ANXA6: variants seen among roughly 807,000 people sequenced by gnomAD.
ANXA6 encodes 67 kDa calelectrin.
Under a neutral mutation model 95.4 loss-of-function variants are expected in ANXA6, and 71 were observed. The ratio of observed to expected loss-of-function variants is 0.74; its 90% CI spans 0.61 to 0.91. ANXA6 has a LOEUF of 0.91. Ranked by LOEUF, ANXA6 falls within the 40% of genes least tolerant of loss-of-function variation. The pLI is 0.00. For missense variants in ANXA6, 830 were observed against 876.4 expected (o/e 0.95, Z 0.67); for synonymous variants, 289 against 315.9 (o/e 0.91, Z 0.90).
chr5:151,141,465 T>C, intron 2 of ANXA6: 1 of 966,392 alleles, frequency 1.0e-6, no homozygotes, highest in Non-Finnish European at 1.2e-6. Context: ...CAGAGGCTGA[T>C]CCAGCTGCGG....
At chr5:151,107,855 G>A (rs1764739573) in intron 23 of ANXA6, among the ~76,000 whole-genome samples, 1 of 152,158 alleles carries the variant, frequency 6.6e-6, no homozygotes, top group South Asian at 2.1e-4. Flanking sequence ...GGGTCTGTGT[G>A]TGTGTCATCT....
rs1764544301 is a variant in ANXA6, at chr5:151,101,390, C to G, written c.*58G>C. The G allele has an allele frequency of 7.7e-7, 1 of 1,295,510 alleles. No individual in the cohort carries two copies. The highest frequency in any genetic ancestry group is 1.0e-6 in the Non-Finnish European group (1 of 954,742). The allele number at this position is 1,295,510 out of a possible 1,614,324, so 80.3% of individuals were successfully genotyped here. A position where few individuals can be genotyped will look rare whatever the true frequency, so the allele number is the denominator to read the frequency against. On this transcript the variant is annotated 3_prime_UTR_variant, in exon 26 of 26. Transcript: ENST00000354546. ...TGGAGCTGGAACAATCAGGCTTGGC[C>G]ATGGCGGCTGGTGCTGATAACCATT...
At chr5:151,125,278 G>C (rs1236153124) in intron 14 of ANXA6, among the ~76,000 whole-genome samples, 1 of 150,944 alleles carries the variant, frequency 6.6e-6, no homozygotes. Flanking sequence ...GCCTGGGGAG[G>C]TGGCAGTGAG....
chr5:151,131,317 T>C (rs748054578), intron 10 of ANXA6, 28 bp from the exon 11 acceptor site: 1 of 1,611,930 alleles, frequency 6.2e-7, no homozygotes, highest in Admixed American at 1.7e-5. Flanking sequence ...GAGGTAGAGT[T>C]ATTCTGGCTG....
chr5:151,107,588 C>T (rs1490735714), intron 23 of ANXA6, among the ~76,000 whole-genome samples: 2 of 152,146 alleles, frequency 1.3e-5, no homozygotes, highest in East Asian at 3.8e-4. Flanking sequence ...TAATTGAAGG[C>T]AATTATGTGA....
At chr5:151,110,705 G>A in intron 20 of ANXA6, 61 bp from the exon 21 acceptor site, 1 of 1,597,430 alleles carries the variant, frequency 6.3e-7, no homozygotes, top group South Asian at 1.1e-5. Flanking sequence ...AGGAGGTTGG[G>A]GAGGCTGGTG....
chr5:151,101,153 C>T lies in ANXA6; in HGVS notation c.*295G>A, dbSNP rs569257137. 3.2e-5 allele frequency: 18 copies of T among 568,258 alleles called. No homozygotes were observed. Among genetic ancestry groups the T allele is most frequent in the Non-Finnish European group, 5.2e-5 (16 of 308,622 alleles). 35.2% of individuals were successfully genotyped at this position (568,258 alleles called of 1,614,324 possible). ...GTTTTTGGATCTGACATAGCCCAAA[C>T]CAGGGCAGAGGCTGTAGCAAGGGGA... On this transcript the variant is annotated 3_prime_UTR_variant, in exon 26 of 26. Coordinates refer to ENST00000354546, the MANE Select transcript of ANXA6 (RefSeq NM_001155.5).
chr5:151,137,096 A>G (rs1004805599), intron 6 of ANXA6, 135 bp downstream of exon 6: 7 of 773,602 alleles, frequency 9.0e-6, no homozygotes, highest in South Asian at 3.5e-5. Context: ...CTTATTGGGT[A>G]GATAAATGGG....
chr5:151,128,512 A>C, intron 12 of ANXA6: 8 of 414,220 alleles, frequency 1.9e-5, no homozygotes, highest in East Asian at 4.7e-5. Flanking sequence ...TGCTACCAAT[A>C]TGCGGAGTTG....
chr5:151,135,183 A>G (rs1226105049), intron 7 of ANXA6, among the ~76,000 whole-genome samples: 1 of 152,188 alleles, frequency 6.6e-6, no homozygotes, highest in Non-Finnish European at 1.5e-5. Context: ...TGTGCATTCC[A>G]GGATCTCAAA....
chr5:151,150,063 A>C (rs1304161998), intron 1 of ANXA6, among the ~76,000 whole-genome samples: 1 of 151,738 alleles, frequency 6.6e-6, no homozygotes, highest in Non-Finnish European at 1.5e-5. Flanking sequence ...GGTTGCAGTG[A>C]GCAGAGATGG....
chr5:151,108,080 TGA>T (rs1461552564), intron 23 of ANXA6, among the ~76,000 whole-genome samples: 3 of 152,144 alleles, frequency 2.0e-5, no homozygotes, highest in East Asian at 3.9e-4. Context: ...GTTTTATGTA[TGA>T]GTGTGTGTCA....
Position 151,119,384 on chromosome 5 carries a change from C to T in ANXA6, c.1354G>A (p.Gly452Ser), listed in dbSNP as rs753443419. The change falls in exon 18 of 26, where the codon GGC becomes AGC. Residue 452 changes from glycine to serine, a missense_variant. Gly to Ser is a moderately conservative substitution (Grantham distance 56, BLOSUM62 0). Coordinates refer to ENST00000354546, the MANE Select transcript of ANXA6 (RefSeq NM_001155.5). Reference protein sequence around the residue: ...KQLKKAMEGAGTDEKALIEIL... With the variant: ...KQLKKAMEGASTDEKALIEIL... ...TCAATAAGAGCCTTTTCATCTGTGC[C>T]GGCTCCCTGGAATGTCAAGGCAAAG... 9.3e-6 allele frequency: 15 copies of T among 1,613,682 alleles called. No homozygotes were observed. The East Asian group carries it at 1.8e-4, about 19-fold the overall frequency.
chr5:151,153,748 C>A (rs890750973), intron 1 of ANXA6, among the ~76,000 whole-genome samples: 4 of 152,152 alleles, frequency 2.6e-5, no homozygotes, highest in East Asian at 3.9e-4. Context: ...ATTTCCCACC[C>A]CCTCAGGTAA....
chr5:151,115,961 C>G (rs1015118109), intron 20 of ANXA6, among the ~76,000 whole-genome samples: 1 of 152,222 alleles, frequency 6.6e-6, no homozygotes, highest in African/African-American at 2.4e-5. Context: ...AAAACCACCA[C>G]CACTTAGAAA....
chr5:151,124,258 A>G, intron 15 of ANXA6, 28 bp downstream of exon 15: 1 of 1,608,864 alleles, frequency 6.2e-7, no homozygotes, highest in South Asian at 1.1e-5. Flanking sequence ...CCTGGAGACC[A>G]ACCCTGCTCC....
At position 151,117,758 on chromosome 5, in the gene ANXA6, C is replaced by T. The variant is rs377149334; in HGVS notation, c.1518G>A (p.Thr506=). 16 of 1,613,114 alleles carry T rather than the reference C, an allele frequency of 9.9e-6. No homozygotes were observed. In the Admixed American group the frequency reaches 1.0e-4, roughly 10 times the overall value. ...HFRRILISLA[T]GHREEGGENL... ...ACCTGGGGCCCATGAATTCACTCAC[C>T]GTGGCCAGAGAAATGAGGATCCTCC... The change falls in exon 19 of 26, where the codon ACG becomes ACA. Residue 506 remains threonine, a splice_region_variant and synonymous_variant. Transcript: ENST00000354546.
chr5:151,105,160 T>A, intron 24 of ANXA6, 85 bp downstream of exon 24: 3 of 1,274,638 alleles, frequency 2.4e-6, no homozygotes, highest in Non-Finnish European at 3.4e-6. Context: ...GGAATCCTGA[T>A]CTGGGGGATG....
At position 151,109,906 on chromosome 5, in the gene ANXA6, T is replaced by C; in HGVS notation, c.1591-60A>G. The C allele has an allele frequency of 3.9e-6, 5 of 1,296,700 alleles. No homozygotes were observed. In the South Asian group the frequency reaches 6.3e-5, roughly 16 times the overall value. 80.3% of individuals were successfully genotyped at this position (1,296,700 alleles called of 1,614,324 possible). A position where few individuals can be genotyped will look rare whatever the true frequency, so the allele number is the denominator to read the frequency against. The stretch of plus-strand genomic sequence containing the variant: ...GGGAGACATGAGAAAGCCTTGGTTA[T>C]TATTCACTTTCATGTCTTTGCCTGG... On this transcript the variant is annotated intron_variant, in intron 21 of 25. Coordinates refer to ENST00000354546, the MANE Select transcript of ANXA6 (RefSeq NM_001155.5).
Sources: gnomAD v4.1 joint callset for allele counts (sites outside exome capture counted in the v4.1 genomes callset) on GRCh38, gnomAD v4.1.1 for gene constraint, MANE v1.5 for transcripts, NCBI Gene and HGNC (gene_info 2026-07-23, HGNC 2026-07-21) for gene names.